Variants in OR9Q1 observed in about 807,000 individuals in gnomAD.
OR9Q1 encodes the protein olfactory receptor 9Q1.
For synonymous variants in OR9Q1, 153 were observed against 148.6 expected (o/e 1.03, Z -0.22); for missense variants, 374 against 378.8 (o/e 0.99, Z 0.11).
chr11:58,140,740 T>C (rs977490996), intron 2 of OR9Q1, among the ~76,000 whole-genome samples: 1 of 152,204 alleles, frequency 6.6e-6, no homozygotes, highest in Non-Finnish European at 1.5e-5. Context: ...AGCTTTGTTC[T>C]TTTGGCTTAG....
chr11:58,130,838 C>T (rs987719184), intron 2 of OR9Q1, among the ~76,000 whole-genome samples: 4 of 150,888 alleles, frequency 2.7e-5, no homozygotes, highest in Non-Finnish European at 3.0e-5. Context: ...CCCCATTGTT[C>T]TGTTTCTAGG....
intron 2 of OR9Q1, among the ~76,000 whole-genome samples, chr11:58,126,205 C>A (rs1854089004): frequency 6.6e-6 from 1 of 152,198 alleles, no homozygotes; most frequent in South Asian, 2.1e-4. Context: ...GTCTCTGAAA[C>A]CCATGATCTC....
At chr11:58,103,678 C>T (rs192619657) in intron 2 of OR9Q1, among the ~76,000 whole-genome samples, 73 of 152,210 alleles carry the variant, frequency 4.8e-4, no homozygotes, top group African/African-American at 1.7e-3. Flanking sequence ...TAATGTTTCT[C>T]ATGCTGCTAC....
chr11:58,076,413 C>T (rs1027637573), intron 2 of OR9Q1, among the ~76,000 whole-genome samples: 1 of 152,102 alleles, frequency 6.6e-6, no homozygotes, highest in African/African-American at 2.4e-5. Context: ...CTGTGGTGCC[C>T]ATTTCCTGGC....
rs1470391505 is a variant in OR9Q1 at position 58,071,530 on chromosome 11, C to T, written c.-15+15583C>T. On this transcript the variant is annotated intron_variant, in intron 2 of 2. Transcript: ENST00000335397. The stretch of plus-strand genomic sequence containing the variant: ...AGAAGCCAGCCAGACTTGTGTTTCT[C>T]CTAGGGGAAAGAGCCTAGCGAAGTA... 2.0e-5 allele frequency among the ~76,000 whole-genome samples: 3 copies of T among 151,940 alleles called. No homozygotes were observed. The East Asian group carries it at 5.8e-4, about 29-fold the overall frequency.
chr11:58,037,701 T>A (rs1853120882), intron 1 of OR9Q1, among the ~76,000 whole-genome samples: 3 of 8,624 alleles, frequency 3.5e-4, no homozygotes, highest in African/African-American at 1.1e-3. Flanking sequence ...TTTTTTTTTT[T>A]TTTTTTTTTT....
At chr11:58,149,152 C>A (rs1264830383) in intron 2 of OR9Q1, among the ~76,000 whole-genome samples, 1 of 152,164 alleles carries the variant, frequency 6.6e-6, no homozygotes, top group African/African-American at 2.4e-5. Flanking sequence ...TCTAATTCTA[C>A]CCTTACTAAA....
intron 2 of OR9Q1, among the ~76,000 whole-genome samples, chr11:58,091,618 C>G (rs1853684994): frequency 6.6e-6 from 1 of 152,158 alleles, no homozygotes; most frequent in South Asian, 2.1e-4. Context: ...AATGTATATT[C>G]TGTTGATTTG....
At chr11:58,068,867 C>A (rs1853459762) in intron 2 of OR9Q1, among the ~76,000 whole-genome samples, 2 of 152,052 alleles carry the variant, frequency 1.3e-5, no homozygotes, top group African/African-American at 4.8e-5. Context: ...CTGAAGGGAG[C>A]ACCAGGGAGC....
intron 2 of OR9Q1, among the ~76,000 whole-genome samples, chr11:58,162,156 T>C (rs918126048): frequency 2.7e-5 from 4 of 147,108 alleles, no homozygotes; most frequent in Admixed American, 1.4e-4. Flanking sequence ...TACACTCACC[T>C]TCTTTGTAAC....
intron 2 of OR9Q1, among the ~76,000 whole-genome samples, chr11:58,121,997 G>A (rs1854037617): frequency 6.6e-6 from 1 of 152,262 alleles, no homozygotes; most frequent in African/African-American, 2.4e-5. Flanking sequence ...ATAACAGGCA[G>A]GTCCTCTGGC....
chr11:58,112,697 A>G (rs771515379), intron 2 of OR9Q1, among the ~76,000 whole-genome samples: 2 of 152,144 alleles, frequency 1.3e-5, no homozygotes, highest in Admixed American at 1.3e-4. Context: ...GATTTTCTCA[A>G]TGGGAAAACC....
At chr11:58,177,102 T>C (rs1854613410) in intron 2 of OR9Q1, among the ~76,000 whole-genome samples, 1 of 152,200 alleles carries the variant, frequency 6.6e-6, no homozygotes, top group Non-Finnish European at 1.5e-5. Context: ...TGCCAAAGTC[T>C]TATGCTTTAA....
intron 2 of OR9Q1, among the ~76,000 whole-genome samples, chr11:58,148,005 G>C (rs752234516): frequency 2.6e-5 from 4 of 151,862 alleles, no homozygotes; most frequent in Non-Finnish European, 5.9e-5. Context: ...TACATTTTTA[G>C]CTATAATATT....
At chr11:58,029,843 CTTTT>C (rs58928895) in intron 1 of OR9Q1, among the ~76,000 whole-genome samples, 6 of 139,128 alleles carry the variant, frequency 4.3e-5, no homozygotes, top group Non-Finnish European at 4.6e-5. Flanking sequence ...CTGCCTCCTC[CTTTT>C]TTTTTTTTTT....
intron 2 of OR9Q1, among the ~76,000 whole-genome samples, chr11:58,151,309 A>G (rs1467486507): frequency 1.3e-5 from 2 of 152,136 alleles, no homozygotes; most frequent in Admixed American, 6.5e-5. Context: ...GTTCCTTTTT[A>G]CCAGTGGGGC....
chr11:58,116,327 A>G (rs966928158), intron 2 of OR9Q1, among the ~76,000 whole-genome samples: 1 of 152,198 alleles, frequency 6.6e-6, no homozygotes, highest in African/African-American at 2.4e-5. Context: ...TTCTGTACCC[A>G]TATCCTAGTG....
At chr11:58,165,545 C>T (rs1004671148) in intron 2 of OR9Q1, among the ~76,000 whole-genome samples, 9 of 152,264 alleles carry the variant, frequency 5.9e-5, no homozygotes, top group Admixed American at 2.0e-4. Flanking sequence ...TTTTTGGAAG[C>T]GCACAAACCA....
chr11:58,141,387 T>C (rs1381422574), intron 2 of OR9Q1, among the ~76,000 whole-genome samples: 1 of 152,212 alleles, frequency 6.6e-6, no homozygotes, highest in Admixed American at 6.5e-5. Flanking sequence ...TTTTGACATA[T>C]GTCCCATCAA....
Sources: gnomAD v4.1 joint callset for allele counts (sites outside exome capture counted in the v4.1 genomes callset) on GRCh38, gnomAD v4.1.1 for gene constraint, MANE v1.5 for transcripts, NCBI Gene and HGNC (gene_info 2026-07-23, HGNC 2026-07-21) for gene names.